CNTFR: variants seen among roughly 807,000 people sequenced by gnomAD.
The protein encoded by CNTFR is ciliary neurotrophic factor receptor subunit alpha.
Under a neutral mutation model 40.4 loss-of-function variants are expected in CNTFR, and 12 were observed. The ratio of observed to expected loss-of-function variants is 0.30; its 90% CI spans 0.19 to 0.48. CNTFR has a LOEUF of 0.48. CNTFR is among the 20% of genes least tolerant of loss of function. The probability of loss-of-function intolerance (pLI) is 0.99; values close to 1 mark genes in which losing one functional copy is unlikely to be tolerated. For missense variants in CNTFR, 414 were observed against 506.8 expected, an observed-to-expected ratio of 0.82 and a Z score of 1.76; for synonymous variants, 202 against 209.6, an observed-to-expected ratio of 0.96 and a Z score of 0.31.
chr9:34,565,222 C>G (rs886366473), intron 3 of CNTFR, among the ~76,000 whole-genome samples: 6 of 152,032 alleles, frequency 3.9e-5, no homozygotes, highest in African/African-American at 1.5e-4. Context: ...GGATCTCTTG[C>G]CACCCACAGG....
chr9:34,572,629 C>T (rs1826722969), intron 2 of CNTFR, among the ~76,000 whole-genome samples: 1 of 152,192 alleles, frequency 6.6e-6, no homozygotes, highest in Non-Finnish European at 1.5e-5. Context: ...ACAGGTAACA[C>T]ATTAAGAGTC....
intron 7 of CNTFR, among the ~76,000 whole-genome samples, chr9:34,554,434 A>T (rs1480089514): frequency 6.6e-6 from 1 of 152,198 alleles, no homozygotes; most frequent in Non-Finnish European, 1.5e-5. Flanking sequence ...TCGGGGCCAC[A>T]TATCCTAGAC....
intron 1 of CNTFR, among the ~76,000 whole-genome samples, chr9:34,586,490 C>A (rs1268068622): frequency 1.3e-5 from 2 of 152,192 alleles, no homozygotes; most frequent in Non-Finnish European, 2.9e-5. Flanking sequence ...TCCCTCCAAT[C>A]TTCACACCCC....
At chr9:34,558,989 C>T (rs1051951464) in intron 4 of CNTFR, among the ~76,000 whole-genome samples, 10 of 152,188 alleles carry the variant, frequency 6.6e-5, no homozygotes, top group Admixed American at 1.3e-4. Flanking sequence ...TGAGGACAGG[C>T]GGCTCAGGTT....
Position 34,576,387 on chromosome 9 carries a change from C to T in CNTFR, c.-1+4708G>A, listed in dbSNP as rs557097579. 3.3e-5 allele frequency among the ~76,000 whole-genome samples: 5 copies of T among 152,334 alleles called. No individual in the cohort carries two copies. The South Asian group carries it at 8.3e-4, about 25-fold the overall frequency. On this transcript the variant is annotated intron_variant, in intron 2 of 9. Transcript: ENST00000378980. The stretch of plus-strand genomic sequence containing the variant: ...TCCACACAGACACCATTGTACACTT[C>T]CAGAAGCTCAGGGCCCCCAGTCGCC...
chr9:34,580,527 C>G (rs1042511746), intron 2 of CNTFR, among the ~76,000 whole-genome samples: 4 of 152,248 alleles, frequency 2.6e-5, no homozygotes, highest in Non-Finnish European at 4.4e-5. Context: ...AAAAGCCCGG[C>G]CGGCCTTTGT....
intron 2 of CNTFR, among the ~76,000 whole-genome samples, chr9:34,576,467 G>C (rs12551429): frequency 0.26 from 39,905 of 152,184 alleles, 6,424 homozygotes; most frequent in Middle Eastern, 0.37. Context: ...TACACACCCT[G>C]AACAGCCACA....
At chr9:34,569,117 T>C (rs1039048558) in intron 2 of CNTFR, 136 bp from the exon 3 acceptor site, 12 of 750,878 alleles carry the variant, frequency 1.6e-5, no homozygotes, top group Non-Finnish European at 2.2e-5. Context: ...CCCGCTCTGC[T>C]TTCACCCAAC....
chr9:34,585,206 G>C (rs922859374), intron 1 of CNTFR, among the ~76,000 whole-genome samples: 1 of 152,180 alleles, frequency 6.6e-6, no homozygotes, highest in Non-Finnish European at 1.5e-5. Context: ...GGCAGGTACA[G>C]GGTGAGCAAG....
At chr9:34,587,452 T>C (rs1174120934) in intron 1 of CNTFR, among the ~76,000 whole-genome samples, 1 of 152,176 alleles carries the variant, frequency 6.6e-6, no homozygotes, top group Non-Finnish European at 1.5e-5. Context: ...AAGTGAGTCC[T>C]ACCAAGATCC....
At chr9:34,585,992 G>A (rs557407949) in intron 1 of CNTFR, among the ~76,000 whole-genome samples, 3 of 152,208 alleles carry the variant, frequency 2.0e-5, no homozygotes, top group Non-Finnish European at 4.4e-5. Context: ...GCTGGAGAGC[G>A]TGTGTCCCCT....
At chr9:34,570,972 C>T (rs1264428049) in intron 2 of CNTFR, among the ~76,000 whole-genome samples, 1 of 152,190 alleles carries the variant, frequency 6.6e-6, no homozygotes, top group Non-Finnish European at 1.5e-5. Flanking sequence ...GTCACAGCCA[C>T]AGGTGCCCTG....
rs771360966 is a variant in CNTFR at position 34,551,742 on chromosome 9, G to A, written c.*329C>T. 2.8e-5 allele frequency: 15 copies of A among 537,788 alleles called. 1 individual carries two copies. The highest frequency in any genetic ancestry group is 2.3e-4 in the South Asian group (11 of 48,812). The allele number at this position is 537,788 out of a possible 1,614,324, so 33.3% of individuals were successfully genotyped here. On this transcript the variant is annotated 3_prime_UTR_variant, in exon 10 of 10. Transcript: ENST00000378980. ...GAGGCTGGGGCAGGAGGAGAAATCG[G>A]ATGTGAGAGGCTCCCCTCACGTCCC... is the stretch of plus-strand genomic sequence containing the variant.
Position 34,551,905 on chromosome 9 carries a change from T to A in CNTFR, c.*166A>T. 4.3e-6 allele frequency: 3 copies of A among 705,824 alleles called. No homozygotes were observed. Among genetic ancestry groups the A allele is most frequent in the Non-Finnish European group, 7.8e-6 (3 of 383,708 alleles). 43.7% of individuals were successfully genotyped at this position (705,824 alleles called of 1,614,324 possible). A position where few individuals can be genotyped will look rare whatever the true frequency, so the allele number is the denominator to read the frequency against. On this transcript the variant is annotated 3_prime_UTR_variant, in exon 10 of 10. Transcript: ENST00000378980. ...GAGGGCCAGCTTGGTGCGGCAGGGCTGGGGGGCGGCAGGCCCGGGCCCGCC... is the reference window on the plus strand; with the variant it reads ...GAGGGCCAGCTTGGTGCGGCAGGGCAGGGGGGCGGCAGGCCCGGGCCCGCC...
chr9:34,580,572 C>T (rs912310299), intron 2 of CNTFR, among the ~76,000 whole-genome samples: 9 of 152,200 alleles, frequency 5.9e-5, no homozygotes, highest in Non-Finnish European at 1.2e-4. Flanking sequence ...TAGGCCCTTC[C>T]GTTCCGCTCC....
intron 2 of CNTFR, among the ~76,000 whole-genome samples, chr9:34,572,705 T>C (rs1459594854): frequency 1.3e-5 from 2 of 152,196 alleles, no homozygotes; most frequent in Non-Finnish European, 2.9e-5. Flanking sequence ...TACACAATGA[T>C]AACAACACCC....
intron 7 of CNTFR, among the ~76,000 whole-genome samples, chr9:34,555,264 G>C (rs1362484294): frequency 6.6e-6 from 1 of 152,210 alleles, no homozygotes; most frequent in Non-Finnish European, 1.5e-5. Context: ...AGCAGGCTTT[G>C]TGGGGGACAG....
At chr9:34,556,722 G>T (rs935171295) in intron 6 of CNTFR, among the ~76,000 whole-genome samples, 3 of 151,998 alleles carry the variant, frequency 2.0e-5, no homozygotes, top group South Asian at 2.1e-4. Context: ...ATACTGACCT[G>T]CATCCCAGTA....
In CNTFR at chr9:34,557,724, G is replaced by C; in HGVS notation, c.438-32C>G. On this transcript the variant is annotated intron_variant, in intron 5 of 9. Coordinates refer to ENST00000378980, the MANE Select transcript of CNTFR (RefSeq NM_147164.3). This position sits in a 1 kb window ranked among gnomAD's most constrained non-coding sequence, Gnocchi z 4.2. ...AGAGGTGAGACCCAGGCACTGTTAC[G>C]AACATCAAGGGTCAGGTGGGGCAGA... 2 of 1,613,232 alleles carry C rather than the reference G, an allele frequency of 1.2e-6. No individual in the cohort carries two copies. Among genetic ancestry groups the C allele is most frequent in the Non-Finnish European group, 1.7e-6 (2 of 1,179,258 alleles).
Sources: allele counts gnomAD v4.1 joint callset (sites outside exome capture counted in the v4.1 genomes callset), GRCh38; gene constraint gnomAD v4.1.1; non-coding constraint Gnocchi (gnomAD v3.1); transcripts MANE v1.5; gene names NCBI Gene and HGNC (gene_info 2026-07-23, HGNC 2026-07-21).